Variants in ARMC2 observed in about 807,000 individuals in gnomAD.
The protein encoded by ARMC2 is armadillo repeat-containing protein 2.
In ARMC2, 67 loss-of-function variants were observed where a neutral mutation model predicts 90.3. The ratio of observed to expected loss-of-function variants is 0.74; its 90% CI spans 0.61 to 0.91. The LOEUF (loss-of-function observed/expected upper bound fraction) is 0.91. Among genes scored for constraint, ARMC2 ranks in the 40% least tolerant of loss-of-function variants. ARMC2 has a pLI of 0.00. For missense variants in ARMC2, 920 were observed against 1,030.9 expected (o/e 0.89, Z 1.47); for synonymous variants, 393 against 393.0 (o/e 1.00, Z 0.00).
intron 2 of ARMC2, among the ~76,000 whole-genome samples, chr6:108,855,086 C>T (rs1774411373): frequency 6.6e-6 from 1 of 152,140 alleles, no homozygotes; most frequent in Admixed American, 6.6e-5. Context: ...CTTTTTAGTG[C>T]TGAATAATAT....
At chr6:108,889,169 CAG>C (rs766406759) in intron 5 of ARMC2, among the ~76,000 whole-genome samples, 2 of 152,182 alleles carry the variant, frequency 1.3e-5, no homozygotes, top group Non-Finnish European at 2.9e-5. Flanking sequence ...TTTTTTGAGG[CAG>C]AGTCTTGCTC....
intron 16 of ARMC2, 121 bp downstream of exon 16, chr6:108,964,433 A>G: frequency 1.5e-5 from 18 of 1,178,222 alleles, no homozygotes; most frequent in Non-Finnish European, 2.1e-5. Flanking sequence ...GGAAGCCCCT[A>G]AGCTGAGGCT....
chr6:109,004,034 A>C, the ARMC2 span, among the ~76,000 whole-genome samples: 7 of 152,194 alleles, frequency 4.6e-5, no homozygotes, highest in Non-Finnish European at 5.9e-5. Context: ...TGTCATTTCA[A>C]ATGGGGGAAA....
chr6:108,964,362 C>T (rs375480065), intron 16 of ARMC2, 50 bp downstream of exon 16: 31 of 1,586,706 alleles, frequency 2.0e-5, no homozygotes, highest in Admixed American at 3.5e-5. Context: ...TGAAGGACAT[C>T]ATTTTCTTGG....
chr6:109,022,491 C>T, the ARMC2 span, among the ~76,000 whole-genome samples: 2 of 124,494 alleles, frequency 1.6e-5, no homozygotes, highest in South Asian at 2.7e-4. Flanking sequence ...GGCGCGATCT[C>T]GGCTCATTGC....
chr6:108,959,911 C>T (rs973985922), intron 13 of ARMC2, among the ~76,000 whole-genome samples: 9 of 152,058 alleles, frequency 5.9e-5, no homozygotes, highest in Admixed American at 6.5e-5. Flanking sequence ...GTCTCATACT[C>T]CTGACCTCAA....
At chr6:109,052,542 T>TA in the ARMC2 span, among the ~76,000 whole-genome samples, 1 of 152,326 alleles carries the variant, frequency 6.6e-6, no homozygotes, top group East Asian at 1.9e-4. Flanking sequence ...AATGTTCACT[T>TA]AAAGTTTTAA....
intron 3 of ARMC2, among the ~76,000 whole-genome samples, chr6:108,863,741 T>C (rs1582946813): frequency 6.6e-6 from 1 of 152,346 alleles, no homozygotes; most frequent in African/African-American, 2.4e-5. Flanking sequence ...GTTCAACTTT[T>C]TATTGACACA....
chr6:108,972,153 T>A (rs1017110791), intron 17 of ARMC2, among the ~76,000 whole-genome samples: 6 of 152,218 alleles, frequency 3.9e-5, no homozygotes, highest in Non-Finnish European at 7.3e-5. Flanking sequence ...CAGTGGTCAT[T>A]TATCTTCCTA....
chr6:108,892,892 C>T (rs1771230924), intron 5 of ARMC2, among the ~76,000 whole-genome samples: 1 of 152,140 alleles, frequency 6.6e-6, no homozygotes, highest in South Asian at 2.1e-4. Flanking sequence ...GGGGGGCTCA[C>T]TACACAGGAA....
chr6:108,873,713 G>T (rs575556308), intron 4 of ARMC2, among the ~76,000 whole-genome samples: 1 of 152,270 alleles, frequency 6.6e-6, no homozygotes, highest in Admixed American at 6.5e-5. Context: ...CCAGACTTTT[G>T]TTCTCTTTTC....
intron 6 of ARMC2, among the ~76,000 whole-genome samples, chr6:108,896,074 T>A (rs1486277853): frequency 6.6e-6 from 1 of 152,234 alleles, no homozygotes; most frequent in Non-Finnish European, 1.5e-5. Flanking sequence ...ATAAAATGAC[T>A]TCTGTGTCAT....
At chr6:109,003,499 G>T in the ARMC2 span, among the ~76,000 whole-genome samples, 492 of 152,128 alleles carry the variant, frequency 3.2e-3, 6 homozygotes, top group African/African-American at 0.011. Context: ...AAAAGTGAAG[G>T]TAATCTTTAT....
intron 8 of ARMC2, among the ~76,000 whole-genome samples, chr6:108,909,331 A>G (rs540015865): frequency 6.6e-6 from 1 of 152,214 alleles, no homozygotes; most frequent in South Asian, 2.1e-4. Flanking sequence ...CCACAATTTA[A>G]TAAACTATTC....
At chr6:108,922,394 A>C (rs1562392143) in intron 10 of ARMC2, among the ~76,000 whole-genome samples, 1 of 152,070 alleles carries the variant, frequency 6.6e-6, no homozygotes, top group African/African-American at 2.4e-5. Flanking sequence ...TGCCTCAGCC[A>C]TGAGAGTCGC....
At chr6:109,027,167 C>T in the ARMC2 span, among the ~76,000 whole-genome samples, 1 of 151,834 alleles carries the variant, frequency 6.6e-6, no homozygotes, top group African/African-American at 2.4e-5. Flanking sequence ...AAGATTCTGT[C>T]TAAAAAACAA....
At chr6:108,924,754 G>A (rs1381623881) in intron 10 of ARMC2, among the ~76,000 whole-genome samples, 1 of 152,216 alleles carries the variant, frequency 6.6e-6, no homozygotes, top group African/African-American at 2.4e-5. Flanking sequence ...GTCGCAGGAG[G>A]CCTTTGAGCA....
intron 10 of ARMC2, among the ~76,000 whole-genome samples, chr6:108,916,134 A>G (rs1773940553): frequency 6.6e-6 from 1 of 152,214 alleles, no homozygotes; most frequent in Non-Finnish European, 1.5e-5. Context: ...TGTTTCTTAC[A>G]TATATGTATA....
the ARMC2 span, chr6:109,000,699 T>C: frequency 1.6e-5 from 24 of 1,486,306 alleles, no homozygotes; most frequent in Non-Finnish European, 2.1e-5. Context: ...TTATTCTAAT[T>C]ATAAATATTA....
Sources: allele counts gnomAD v4.1 joint callset (sites outside exome capture counted in the v4.1 genomes callset), GRCh38; gene constraint gnomAD v4.1.1; transcripts MANE v1.5; gene names NCBI Gene and HGNC (gene_info 2026-07-23, HGNC 2026-07-21).